The following SLCO5A1 variants were observed in gnomAD, a reference collection of about 807,000 sequenced individuals.
The protein encoded by SLCO5A1 is solute carrier organic anion transporter family member 5A1.
SLCO5A1 carries 39 observed loss-of-function variants against 65.1 expected under a neutral mutation model. The observed-to-expected ratio is 0.60, with a 90% confidence interval of 0.46 to 0.78. The LOEUF (loss-of-function observed/expected upper bound fraction) is 0.78, where lower values mean the gene tolerates loss of function less well. Ranked by LOEUF, SLCO5A1 falls within the 30% of genes least tolerant of loss-of-function variation. The pLI is 0.00. For missense variants in SLCO5A1, 1,029 were observed against 1,069.4 expected, an observed-to-expected ratio of 0.96 and a Z score of 0.53; for synonymous variants, 438 against 415.7, an observed-to-expected ratio of 1.05 and a Z score of -0.65.
chr8:69,807,361 T>C (rs1416821304), intron 2 of SLCO5A1, among the ~76,000 whole-genome samples: 1 of 152,246 alleles, frequency 6.6e-6, no homozygotes, highest in Non-Finnish European at 1.5e-5. Context: ...GTAAGACATT[T>C]AAAATCCTTT....
chr8:69,749,131 C>G (rs1481651893), intron 4 of SLCO5A1, among the ~76,000 whole-genome samples: 1 of 152,186 alleles, frequency 6.6e-6, no homozygotes, highest in African/African-American at 2.4e-5. Context: ...CACATTCATA[C>G]TATACTTGTT....
At chr8:69,738,360 T>G (rs1563692767) in intron 4 of SLCO5A1, among the ~76,000 whole-genome samples, 156 bp from the exon 5 acceptor site, 1 of 150,760 alleles carries the variant, frequency 6.6e-6, no homozygotes, top group Non-Finnish European at 1.5e-5. Flanking sequence ...TTAGAAACCA[T>G]CCTCTTTAAA....
rs1430257385 is a variant in SLCO5A1 at position 69,755,537 on chromosome 8, T to C, written c.1145A>G (p.Lys382Arg). 1 of 1,614,042 alleles carries C rather than the reference T, an allele frequency of 6.2e-7. No individual in the cohort carries two copies. The highest frequency in any genetic ancestry group is 1.1e-5 in the South Asian group (1 of 91,076). The change falls in exon 4 of 10, where the codon AAA becomes AGA. Residue 382 changes from lysine to arginine, a missense_variant. Physicochemically the swap from Lys to Arg is conservative, Grantham distance 26 (BLOSUM62 2). This residue lies in a region of SLCO5A1 where 647 missense variants were observed against 647.5 expected (regional missense o/e 1.00). Coordinates refer to ENST00000260126, the MANE Select transcript of SLCO5A1 (RefSeq NM_030958.3). ...ACTAACAGCATCAACAGAAAATTTT[T>C]TCTTTTTCTTTTTCTTGTGTCGAGG... ...LPPRHKKKKKKKFSVDAVSDD... is the reference protein window; with the variant it reads ...LPPRHKKKKKRKFSVDAVSDD...
intron 6 of SLCO5A1, among the ~76,000 whole-genome samples, chr8:69,699,621 A>T (rs1181552573): frequency 2.0e-5 from 3 of 152,222 alleles, no homozygotes; most frequent in African/African-American, 7.2e-5. Flanking sequence ...CAAGCTAAGG[A>T]TCACCAGAAA....
intron 2 of SLCO5A1, among the ~76,000 whole-genome samples, chr8:69,764,192 C>T (rs542681454): frequency 1.3e-3 from 205 of 152,316 alleles, no homozygotes; most frequent in African/African-American, 4.7e-3. Context: ...CTGTTGTGTA[C>T]AAGGCCTGGT....
intron 2 of SLCO5A1, among the ~76,000 whole-genome samples, chr8:69,819,897 A>G (rs1820564174): frequency 6.6e-6 from 1 of 152,184 alleles, no homozygotes; most frequent in East Asian, 1.9e-4. Context: ...CGGGAGGTGG[A>G]GGTTGCAGTG....
Position 69,731,150 on chromosome 8 carries a change from T to A in SLCO5A1, c.1423+6890A>T, listed in dbSNP as rs534838038. On this transcript the variant is annotated intron_variant, in intron 5 of 9. Coordinates refer to ENST00000260126, the MANE Select transcript of SLCO5A1 (RefSeq NM_030958.3). The stretch of plus-strand genomic sequence containing the variant: ...AAGTAGCTGGGATTATAGGCACGTG[T>A]CACCACGCCTGGCTAATTTTTGTAT... 7.2e-5 allele frequency among the ~76,000 whole-genome samples: 11 copies of A among 152,206 alleles called. No homozygotes were observed. In the East Asian group the frequency reaches 1.5e-3, roughly 21 times the overall value.
At chr8:69,826,750 G>A (rs1820935272) in intron 2 of SLCO5A1, among the ~76,000 whole-genome samples, 1 of 152,196 alleles carries the variant, frequency 6.6e-6, no homozygotes, top group Admixed American at 6.5e-5. Context: ...GATTCCTCAG[G>A]GATCTAGAAC....
intron 6 of SLCO5A1, among the ~76,000 whole-genome samples, chr8:69,693,283 C>T (rs1814355869): frequency 6.6e-6 from 1 of 152,182 alleles, no homozygotes; most frequent in Admixed American, 6.5e-5. Context: ...CCACTAATAA[C>T]ACATCAGGTT....
intron 6 of SLCO5A1, among the ~76,000 whole-genome samples, 175 bp from the exon 7 acceptor site, chr8:69,682,518 A>G (rs938470365): frequency 2.0e-5 from 3 of 152,250 alleles, no homozygotes; most frequent in African/African-American, 7.2e-5. Context: ...AAAACAAAAC[A>G]TAAAGAAAAA....
intron 2 of SLCO5A1, among the ~76,000 whole-genome samples, chr8:69,780,298 T>C (rs972789767): frequency 6.6e-6 from 1 of 152,202 alleles, no homozygotes; most frequent in Non-Finnish European, 1.5e-5. Flanking sequence ...ATCCCACTAC[T>C]GGGGTATCTA....
At chr8:69,823,607 A>G (rs1418560746) in intron 2 of SLCO5A1, among the ~76,000 whole-genome samples, 4 of 152,208 alleles carry the variant, frequency 2.6e-5, no homozygotes, top group Admixed American at 6.5e-5. Flanking sequence ...CCAATACAGG[A>G]GCACCCAGAT....
chr8:69,674,858 TA>T (rs201701403), intron 9 of SLCO5A1, among the ~76,000 whole-genome samples: 9,023 of 74,306 alleles, frequency 0.12, 934 homozygotes, highest in African/African-American at 0.32. Flanking sequence ...CCATCTCTAC[TA>T]AAAAAAAAAA....
At chr8:69,736,163 GAGTT>G (rs1347277212) in intron 5 of SLCO5A1, among the ~76,000 whole-genome samples, 1 of 152,222 alleles carries the variant, frequency 6.6e-6, no homozygotes, top group Non-Finnish European at 1.5e-5. Context: ...TGAACACTGT[GAGTT>G]AGCCTTATTC....
intron 4 of SLCO5A1, among the ~76,000 whole-genome samples, chr8:69,750,761 C>T (rs780553941): frequency 2.1e-4 from 32 of 152,288 alleles, no homozygotes; most frequent in African/African-American, 6.0e-4. Context: ...ACCTCCACAG[C>T]TTTGCACCTG....
chr8:69,691,281 G>T (rs1258274237), intron 6 of SLCO5A1, among the ~76,000 whole-genome samples: 1 of 152,112 alleles, frequency 6.6e-6, no homozygotes, highest in Non-Finnish European at 1.5e-5. Flanking sequence ...GAGCTCTCAC[G>T]ATCTTTCAAA....
chr8:69,740,643 C>A (rs1032296905), intron 4 of SLCO5A1, among the ~76,000 whole-genome samples: 2 of 152,128 alleles, frequency 1.3e-5, no homozygotes, highest in Non-Finnish European at 1.5e-5. Context: ...AAACCATCTT[C>A]TAATAAAAGG....
At chr8:69,807,737 G>A (rs1473428248) in intron 2 of SLCO5A1, among the ~76,000 whole-genome samples, 1 of 152,134 alleles carries the variant, frequency 6.6e-6, no homozygotes, top group East Asian at 1.9e-4. Context: ...ACGAAGTCTC[G>A]GTCTGTCGCC....
Position 69,834,899 on chromosome 8 carries a change from AG to A in SLCO5A1, c.-543del, listed in dbSNP as rs1821362032. On this transcript the variant is annotated 5_prime_UTR_variant, in exon 1 of 10. Transcript: ENST00000260126. ...CTGCCTGGCTGAGTAGAGCGGCGGG[AG>A]GGGGGCACTGAGCTACGGGAATAGT... is the stretch of plus-strand genomic sequence containing the variant. 6.6e-6 allele frequency: 1 copy of A among 152,304 alleles called. No individual in the cohort carries two copies. The highest frequency in any genetic ancestry group is 1.5e-5 in the Non-Finnish European group (1 of 68,188). The allele number at this position is 152,304 out of a possible 1,614,324, so 9.4% of individuals were successfully genotyped here.
Sources: gnomAD v4.1 joint callset for allele counts (sites outside exome capture counted in the v4.1 genomes callset) on GRCh38, gnomAD v4.1.1 for gene constraint, gnomAD v4.1.1 regional missense constraint, MANE v1.5 for transcripts, NCBI Gene and HGNC (gene_info 2026-07-23, HGNC 2026-07-21) for gene names.